The following GSE1 variants were observed in gnomAD, a reference collection of about 807,000 sequenced individuals.
GSE1 encodes the protein genetic suppressor element 1.
GSE1 carries 32 observed loss-of-function variants against 112.6 expected under a neutral mutation model. The ratio of observed to expected loss-of-function variants is 0.28; its 90% confidence interval spans 0.21 to 0.38. The LOEUF (loss-of-function observed/expected upper bound fraction) is 0.38. Among genes scored for constraint, GSE1 ranks in the 10% least tolerant of loss-of-function variants. GSE1 has a pLI of 1.00. For synonymous variants in GSE1, 1,115 were observed against 735.6 expected (o/e 1.52, Z -8.35); for missense variants, 2,348 against 1,699.2 (o/e 1.38, Z -6.71).
upstream of GSE1, chr16:85,611,434 T>C (rs970655711): frequency 9.1e-6 from 9 of 983,646 alleles, no homozygotes; most frequent in Non-Finnish European, 1.1e-5. Context: ...AATTATAGCG[T>C]CCGGCCAAGG....
chr16:85,444,769 T>C (rs1386593025), intron 2 of GSE1, among the ~76,000 whole-genome samples: 1 of 152,144 alleles, frequency 6.6e-6, no homozygotes, highest in East Asian at 1.9e-4. Context: ...AGGCCTGATC[T>C]CTCATGCCAT....
intron 1 of GSE1, among the ~76,000 whole-genome samples, chr16:85,278,184 T>C (rs1909562177): frequency 6.6e-6 from 1 of 152,198 alleles, no homozygotes; most frequent in Non-Finnish European, 1.5e-5. Context: ...GAGGCCCCCC[T>C]GGACTCACCC....
intron 1 of GSE1, among the ~76,000 whole-genome samples, chr16:85,179,528 C>T (rs998671415): frequency 6.6e-5 from 10 of 152,114 alleles, no homozygotes; most frequent in Non-Finnish European, 1.5e-4. Flanking sequence ...AAGGTTGCTG[C>T]GTCCTAGGGT....
At chr16:85,639,240 G>A (rs920179506) in intron 2 of GSE1, among the ~76,000 whole-genome samples, 10 of 152,180 alleles carry the variant, frequency 6.6e-5, no homozygotes, top group East Asian at 1.9e-4. Flanking sequence ...GCCAGCTCCC[G>A]CTGTAGCCCA....
rs1428452754 is a variant in GSE1 at position 85,408,481 on chromosome 16, C to G, written c.2464+50838C>G. Among the ~76,000 whole-genome samples, 3 of 56,596 alleles carry G rather than the reference C, an allele frequency of 5.3e-5. 1 individual carries two copies. Among genetic ancestry groups the G allele is most frequent in the Non-Finnish European group, 3.5e-5 (1 of 28,278 alleles). The allele number at this position is 56,596 out of a possible 152,430, so 37.1% of individuals were successfully genotyped here. On this transcript the variant is annotated intron_variant, in intron 2 of 2. Coordinates refer to the GSE1 transcript ENST00000637419. ...CCCCTGGATAATCCTCACTGTTACTCTCAGGGCACCTGGATAATCCTCACT... is the reference window on the plus strand; with the variant it reads ...CCCCTGGATAATCCTCACTGTTACTGTCAGGGCACCTGGATAATCCTCACT...
At chr16:85,400,922 G>A (rs1015422196) in intron 2 of GSE1, among the ~76,000 whole-genome samples, 2 of 152,128 alleles carry the variant, frequency 1.3e-5, no homozygotes, top group African/African-American at 4.8e-5. Flanking sequence ...TGTGCGGAAG[G>A]GGTCATAATG....
intron 1 of GSE1, among the ~76,000 whole-genome samples, chr16:85,198,402 T>C (rs2074968440): frequency 6.6e-6 from 1 of 152,172 alleles, no homozygotes. Context: ...AGGCTTGTCC[T>C]TGGACAGGGT....
chr16:85,648,631 C>G lies in GSE1; in HGVS notation c.306C>G (p.Arg102=), dbSNP rs773702179. The G allele has an allele frequency of 1.3e-5, 21 of 1,605,460 alleles. No homozygotes were observed. The highest frequency in any genetic ancestry group is 1.6e-5 in the Non-Finnish European group (19 of 1,174,560). ...NHSSPASTPK[R]VPMGPIIVPP... ...GCTCCCCCGCCAGCACACCCAAGCGCGTGCCCATGGGCCCTATCATCGTCC... is the reference window on the plus strand; with the variant it reads ...GCTCCCCCGCCAGCACACCCAAGCGGGTGCCCATGGGCCCTATCATCGTCC... Residue 102 remains arginine (R), a synonymous_variant, in exon 3 of 16, where the codon CGC becomes CGG. Transcript: ENST00000253458.
At chr16:85,339,475 C>G (rs192082312) in intron 1 of GSE1, among the ~76,000 whole-genome samples, 1 of 152,162 alleles carries the variant, frequency 6.6e-6, no homozygotes, top group East Asian at 1.9e-4. Flanking sequence ...GTTTCCTTTT[C>G]CCCTTTCCAC....
At chr16:85,554,566 TGGGGTGC>T (rs1007315766), upstream of GSE1, among the ~76,000 whole-genome samples, 2 of 150,934 alleles carry the variant, frequency 1.3e-5, no homozygotes, top group Non-Finnish European at 3.0e-5. Flanking sequence ...TTTTAAGGGG[TGGGGTGC>T]GGGGTGAGGG....
intron 1 of GSE1, among the ~76,000 whole-genome samples, chr16:85,250,087 C>T (rs534144388): frequency 3.9e-4 from 59 of 152,328 alleles, no homozygotes; most frequent in Admixed American, 7.2e-4. Context: ...TGTTGGTCTG[C>T]GGCGGCCTCG....
At chr16:85,515,036 T>C (rs1283004615) in intron 2 of GSE1, among the ~76,000 whole-genome samples, 3 of 152,168 alleles carry the variant, frequency 2.0e-5, no homozygotes, top group Non-Finnish European at 2.9e-5. Context: ...TGTGGGTGGA[T>C]GTGTGTGCAT....
At chr16:85,571,075 T>C (rs999970203) in intron 1 of GSE1, among the ~76,000 whole-genome samples, 1 of 152,336 alleles carries the variant, frequency 6.6e-6, no homozygotes, top group East Asian at 1.9e-4. Context: ...CAAACTGTAC[T>C]GTGTACTCCA....
intron 2 of GSE1, among the ~76,000 whole-genome samples, chr16:85,389,596 C>T (rs940086544): frequency 6.6e-6 from 1 of 152,178 alleles, no homozygotes; most frequent in African/African-American, 2.4e-5. Flanking sequence ...GGCCATGTCT[C>T]TGCTTCTGTC....
intron 1 of GSE1, among the ~76,000 whole-genome samples, chr16:85,563,897 A>T (rs1598198265): frequency 6.6e-6 from 1 of 152,052 alleles, no homozygotes; most frequent in South Asian, 2.1e-4. Context: ...GCGAGCTAGG[A>T]TGTTGTTGCT....
intron 1 of GSE1, among the ~76,000 whole-genome samples, chr16:85,180,184 G>T (rs1026586205): frequency 2.6e-5 from 4 of 151,784 alleles, no homozygotes; most frequent in African/African-American, 7.3e-5. Context: ...TCGGTTGCTG[G>T]ATTGGGCTTC....
intron 2 of GSE1, among the ~76,000 whole-genome samples, chr16:85,543,858 G>C (rs2044609246): frequency 2.6e-5 from 4 of 152,296 alleles, no homozygotes; most frequent in Admixed American, 1.3e-4. Flanking sequence ...TCTAATTTGA[G>C]ACAGTATCTT....
chr16:85,572,642 T>C (rs2046057910), intron 1 of GSE1, among the ~76,000 whole-genome samples: 1 of 152,168 alleles, frequency 6.6e-6, no homozygotes, highest in Non-Finnish European at 1.5e-5. Flanking sequence ...GTGCCTGGGA[T>C]GGGCTGCTTA....
chr16:85,668,609 C>G (rs575218729), intron 14 of GSE1, among the ~76,000 whole-genome samples, 185 bp downstream of exon 14: 3 of 152,308 alleles, frequency 2.0e-5, no homozygotes, highest in South Asian at 2.1e-4. Context: ...ATGCTGGAAC[C>G]TGAGGCCAGT....
Sources: allele counts gnomAD v4.1 joint callset (sites outside exome capture counted in the v4.1 genomes callset), GRCh38; gene constraint gnomAD v4.1.1; transcripts MANE v1.5; gene names NCBI Gene and HGNC (gene_info 2026-07-23, HGNC 2026-07-21).